PARVA: variants seen among roughly 807,000 people sequenced by gnomAD.
PARVA encodes the protein parvin alpha, also known as alpha-parvin.
A neutral mutation model predicts 52.6 loss-of-function variants in PARVA; 25 were observed. That is an observed-to-expected ratio of 0.48 (90% CI 0.35 to 0.66). The LOEUF is 0.66. Ranked by LOEUF, PARVA falls within the 30% of genes least tolerant of loss-of-function variation. The probability of loss-of-function intolerance (pLI) is 0.01; values close to 1 mark genes in which losing one functional copy is unlikely to be tolerated. For synonymous variants in PARVA, 185 were observed against 179.1 expected (o/e 1.03, Z -0.26); for missense variants, 373 against 450.9 (o/e 0.83, Z 1.56).
chr11:12,479,178 T>C (rs1365631453), intron 4 of PARVA: 2 of 152,266 alleles, frequency 1.3e-5, no homozygotes, highest in Non-Finnish European at 2.9e-5. Flanking sequence ...ATGCTAGTCC[T>C]TCTGCCTCTA....
chr11:12,517,686 T>C lies in PARVA; in HGVS notation c.944T>C (p.Leu315Pro). 1.2e-6 allele frequency: 2 copies of C among 1,602,946 alleles called. No individual in the cohort carries two copies. Among genetic ancestry groups the C allele is most frequent in the Non-Finnish European group, 1.7e-6 (2 of 1,174,474 alleles). The change falls in exon 11 of 13, where the codon CTG (leucine) becomes CCG (proline). Residue 315 changes from leucine to proline, a missense_variant. Leu to Pro is a moderately conservative substitution (Grantham distance 98). Coordinates refer to ENST00000334956, the MANE Select transcript of PARVA (RefSeq NM_018222.5). The stretch of plus-strand genomic sequence containing the variant: ...TTTGTGCCCCTGCACAGCTTCTTCC[T>C]GACCCCGGACAGCTTTGAACAGAAG... Reference protein sequence around the residue: ...GYFVPLHSFFLTPDSFEQKVL... With the variant: ...GYFVPLHSFFPTPDSFEQKVL...
At position 12,533,027 on chromosome 11, in the gene PARVA, C is replaced by A. The variant is rs184219090; in HGVS notation, c.*5102C>A. Among the ~76,000 whole-genome samples the A allele has an allele frequency of 1.4e-4, 21 of 152,270 alleles. No homozygotes were observed. The highest frequency in any genetic ancestry group is 4.8e-4 in the African/African-American group (20 of 41,540). ...GGTCCTGGCTGGGGAGCGGAGGAGA[C>A]CAGGAGAGGAGATCAGACCTCTGCC... On this transcript the variant is annotated 3_prime_UTR_variant, in exon 13 of 13. Coordinates refer to ENST00000334956, the MANE Select transcript of PARVA (RefSeq NM_018222.5).
intron 1 of PARVA, among the ~76,000 whole-genome samples, chr11:12,384,269 G>T (rs1225095668): frequency 1.3e-5 from 2 of 152,184 alleles, no homozygotes; most frequent in Non-Finnish European, 2.9e-5. Context: ...CTCACCAGAT[G>T]CCTTGAAAGA....
intron 1 of PARVA, among the ~76,000 whole-genome samples, chr11:12,470,910 G>C (rs1940924462): frequency 6.6e-6 from 1 of 152,178 alleles, no homozygotes; most frequent in South Asian, 2.1e-4. Context: ...CCAGTTAGAA[G>C]GTGGTTCTGA....
chr11:12,484,507 GTGTGTGT>G (rs1564859271), intron 4 of PARVA, among the ~76,000 whole-genome samples: 2 of 4,366 alleles, frequency 4.6e-4, no homozygotes, highest in Non-Finnish European at 5.5e-3. Flanking sequence ...TTGTTTTGGT[GTGTGTGT>G]GTGTGTGTGT....
intron 10 of PARVA, among the ~76,000 whole-genome samples, chr11:12,515,486 G>A (rs1785244806): frequency 1.3e-5 from 2 of 152,166 alleles, no homozygotes; most frequent in African/African-American, 4.8e-5. Context: ...GGCAGGGAGT[G>A]CTATGACAGG....
chr11:12,522,421 C>CTTTTTTTTTTTTTTTTTTTTTTTTTT (rs66494894), intron 12 of PARVA, among the ~76,000 whole-genome samples: 1 of 134,634 alleles, frequency 7.4e-6, no homozygotes. Flanking sequence ...GAGCTTTATT[C>CTTTTTTTTTTTTTTTTTTTTTTTTTT]TTTTTTTTTT....
chr11:12,511,585 G>A (rs1249489547), intron 8 of PARVA, 52 bp downstream of exon 8: 21 of 1,588,968 alleles, frequency 1.3e-5, no homozygotes, highest in East Asian at 2.2e-5. Context: ...TGGGGCTTTA[G>A]TTAATTCCGC....
At chr11:12,422,699 T>G (rs1940168585) in intron 1 of PARVA, among the ~76,000 whole-genome samples, 1 of 152,188 alleles carries the variant, frequency 6.6e-6, no homozygotes, top group South Asian at 2.1e-4. Context: ...CCCTTTACTC[T>G]TTAGCCATTT....
chr11:12,402,974 T>C (rs4757427), intron 1 of PARVA, among the ~76,000 whole-genome samples: 99,965 of 152,066 alleles, frequency 0.66, 33,028 homozygotes, highest in African/African-American at 0.7. Context: ...GAGAATATGT[T>C]GTTCTCATTC....
At chr11:12,413,619 A>G (rs1348865369) in intron 1 of PARVA, among the ~76,000 whole-genome samples, 1 of 152,208 alleles carries the variant, frequency 6.6e-6, no homozygotes, top group Non-Finnish European at 1.5e-5. Flanking sequence ...TCCTCCTTCC[A>G]AGGGTTTTGA....
intron 1 of PARVA, among the ~76,000 whole-genome samples, chr11:12,454,588 A>AG (rs1244411816): frequency 1.3e-5 from 2 of 151,760 alleles, no homozygotes; most frequent in African/African-American, 2.4e-5. Context: ...AAAAAAAAAA[A>AG]AAGAAGAAGA....
At chr11:12,473,700 C>T in intron 1 of PARVA, 45 bp from the exon 2 acceptor site, 1 of 1,425,802 alleles carries the variant, frequency 7.0e-7, no homozygotes, top group Non-Finnish European at 9.7e-7. Flanking sequence ...CAACCCCCTG[C>T]CGTCCGTCAG....
chr11:12,513,833 A>G (rs1021940651), intron 9 of PARVA, 164 bp from the exon 10 acceptor site: 7 of 635,626 alleles, frequency 1.1e-5, no homozygotes, highest in Non-Finnish European at 1.7e-5. Context: ...CTCCCTGTGC[A>G]CTCAATGGCC....
rs147973963 is a variant in PARVA, at chr11:12,502,624, C to A, written c.542-1690C>A. On this transcript the variant is annotated intron_variant, in intron 5 of 12. Coordinates refer to ENST00000334956, the MANE Select transcript of PARVA (RefSeq NM_018222.5). ...GCCATTCCTGGCCACCTGTTGTGTT[C>A]CAGGAGCATCAGAGAGAAAACTCCC... is the stretch of plus-strand genomic sequence containing the variant. Among the ~76,000 whole-genome samples the A allele has an allele frequency of 3.5e-3, 532 of 151,896 alleles. 1 individual carries two copies. The highest frequency in any genetic ancestry group is 0.012 in the African/African-American group (510 of 41,422).
At chr11:12,398,262 T>C (rs933672053) in intron 1 of PARVA, 3 of 151,976 alleles carry the variant, frequency 2.0e-5, no homozygotes, top group Non-Finnish European at 4.4e-5. Context: ...GCTGCCCTCC[T>C]TGGGACTTAG....
chr11:12,470,061 C>G (rs1006394431), intron 1 of PARVA, among the ~76,000 whole-genome samples: 2 of 152,244 alleles, frequency 1.3e-5, no homozygotes, highest in Admixed American at 6.5e-5. Flanking sequence ...GCTGGAAATG[C>G]TGCCCCAGAA....
Position 12,512,439 on chromosome 11 carries a change from T to C in PARVA, c.737-860T>C, listed in dbSNP as rs1476929162. 2.0e-5 allele frequency among the ~76,000 whole-genome samples: 3 copies of C among 152,166 alleles called. No homozygotes were observed. The East Asian group carries it at 5.8e-4, about 29-fold the overall frequency. On this transcript the variant is annotated intron_variant, in intron 8 of 12. Coordinates refer to ENST00000334956, the MANE Select transcript of PARVA (RefSeq NM_018222.5). ...GTGCCAGAGTTGGAAAAGGCAGGCC[T>C]CAGGGCCTCGCACCCTCCCAGCCCC...
intron 1 of PARVA, among the ~76,000 whole-genome samples, chr11:12,440,247 G>A (rs1479810402): frequency 1.3e-5 from 2 of 152,180 alleles, no homozygotes; most frequent in African/African-American, 4.8e-5. Context: ...TCAGTGATTG[G>A]TGCTGGCCCC....
Sources: gnomAD v4.1 joint callset for allele counts (sites outside exome capture counted in the v4.1 genomes callset) on GRCh38, gnomAD v4.1.1 for gene constraint, MANE v1.5 for transcripts, NCBI Gene and HGNC (gene_info 2026-07-23, HGNC 2026-07-21) for gene names.